ANKS1B: variants seen among roughly 807,000 people sequenced by gnomAD.
ANKS1B encodes the protein ankyrin repeat and sterile alpha motif domain-containing protein 1B.
ANKS1B carries 36 observed loss-of-function variants against 148.3 expected under a neutral mutation model. That is an observed-to-expected ratio of 0.24 (90% CI 0.19 to 0.32). ANKS1B has a LOEUF of 0.32. Among genes scored for constraint, ANKS1B ranks in the 10% least tolerant of loss-of-function variants. The pLI is 1.00. For missense variants in ANKS1B, 1,157 were observed against 1,542.6 expected, an observed-to-expected ratio of 0.75 and a Z score of 4.19; for synonymous variants, 542 against 560.8, an observed-to-expected ratio of 0.97 and a Z score of 0.47.
intron 26 of ANKS1B, among the ~76,000 whole-genome samples, chr12:98,748,632 C>T (rs1296429827): frequency 6.6e-6 from 1 of 152,214 alleles, no homozygotes; most frequent in African/African-American, 2.4e-5. Context: ...TCTTAGGGAT[C>T]ACTGAATATT....
chr12:99,066,089 G>A (rs999210915), intron 16 of ANKS1B, among the ~76,000 whole-genome samples: 1 of 152,086 alleles, frequency 6.6e-6, no homozygotes, highest in Non-Finnish European at 1.5e-5. Context: ...GCCGAGGAGG[G>A]CAGATTGCCT....
chr12:99,139,457 T>TTTCTTTCTTTCTTTCC lies in ANKS1B; in HGVS notation c.2526+14831_2526+14832insGGAAAGAAAGAAAGAA. The stretch of plus-strand genomic sequence containing the variant: ...TTCTTTCTTTTTCTTTCTTTCTTTC[T>TTTCTTTCTTTCTTTCC]TTCAAGATAGGAGTCTCACTGTGTT... On this transcript the variant is annotated intron_variant, in intron 15 of 26. Coordinates refer to ENST00000683438, the MANE Select transcript of ANKS1B (RefSeq NM_001352186.2). Among the ~76,000 whole-genome samples, 2 of 85,756 alleles carry TTTCTTTCTTTCTTTCC rather than the reference T, an allele frequency of 2.3e-5. 1 individual carries two copies. The highest frequency in any genetic ancestry group is 9.2e-4 in the South Asian group (2 of 2,178). 56.3% of individuals were successfully genotyped at this position (85,756 alleles called of 152,430 possible). A position where few individuals can be genotyped will look rare whatever the true frequency, so the allele number is the denominator to read the frequency against.
chr12:99,675,089 T>C (rs1259111513), intron 8 of ANKS1B, among the ~76,000 whole-genome samples: 1 of 151,994 alleles, frequency 6.6e-6, no homozygotes, highest in Non-Finnish European at 1.5e-5. Context: ...TGGCATGTTT[T>C]CAAACCATAA....
intron 1 of ANKS1B, among the ~76,000 whole-genome samples, chr12:99,839,524 A>C (rs73374334): frequency 0.12 from 17,623 of 152,128 alleles, 1,501 homozygotes; most frequent in African/African-American, 0.24. Flanking sequence ...GTACTTATTA[A>C]ATGTTATTTA....
rs1022013709 is a variant in ANKS1B, at chr12:99,691,517, G to A, written c.1129-36307C>T. Among the ~76,000 whole-genome samples the A allele has an allele frequency of 5.2e-4, 79 of 152,150 alleles. 4 individuals are homozygous for A. Among genetic ancestry groups the A allele is most frequent in the Non-Finnish European group, 1.5e-5 (1 of 68,028 alleles). ...AAGTTCAAAGTTCCACAGATCTCTAGGGCAGGAGCAAAATGCTGCCAGTCT... is the reference window on the plus strand; with the variant it reads ...AAGTTCAAAGTTCCACAGATCTCTAAGGCAGGAGCAAAATGCTGCCAGTCT... On this transcript the variant is annotated intron_variant, in intron 8 of 26. Coordinates refer to ENST00000683438, the MANE Select transcript of ANKS1B (RefSeq NM_001352186.2).
intron 1 of ANKS1B, among the ~76,000 whole-genome samples, chr12:99,951,121 CAT>C (rs1411609151): frequency 3.3e-5 from 5 of 152,178 alleles, no homozygotes; most frequent in Non-Finnish European, 5.9e-5. Context: ...TTCTGATTTC[CAT>C]CCATCTCTAT....
chr12:98,829,588 T>C lies in ANKS1B; in HGVS notation c.2887-235A>G, dbSNP rs1331920895. 3.3e-5 allele frequency among the ~76,000 whole-genome samples: 5 copies of C among 152,196 alleles called. No individual in the cohort carries two copies. On this transcript the variant is annotated intron_variant, in intron 18 of 26. Transcript: ENST00000683438. This position sits in a 1 kb window ranked among gnomAD's most constrained non-coding sequence, Gnocchi z 5.2. ...TATCAAGAGTCAGGTTCTGTTTTCC[T>C]AAAGCAGCATCATGGATGGTCTCAG...
chr12:99,179,545 T>C (rs187663005), intron 14 of ANKS1B, among the ~76,000 whole-genome samples: 64 of 152,278 alleles, frequency 4.2e-4, no homozygotes, highest in Non-Finnish European at 3.8e-4. Flanking sequence ...ATGCATTCTC[T>C]TTCCTGCCAT....
At chr12:99,264,626 G>A (rs1003005755) in intron 12 of ANKS1B, among the ~76,000 whole-genome samples, 1 of 152,094 alleles carries the variant, frequency 6.6e-6, no homozygotes, top group African/African-American at 2.4e-5. Flanking sequence ...GTCAAAGGAT[G>A]CCACTGTTTT....
intron 2 of ANKS1B, among the ~76,000 whole-genome samples, chr12:99,814,218 A>G (rs2068804055): frequency 6.6e-6 from 1 of 151,626 alleles, no homozygotes; most frequent in African/African-American, 2.4e-5. Context: ...CATTTCTCAG[A>G]ATGTATCCCT....
intron 9 of ANKS1B, among the ~76,000 whole-genome samples, chr12:99,632,767 A>ATATATT (rs1441486862): frequency 0.017 from 1,207 of 71,214 alleles, 96 homozygotes; most frequent in Non-Finnish European, 0.025. Flanking sequence ...ATATATATAT[A>ATATATT]TTTTAATTAT....
intron 8 of ANKS1B, among the ~76,000 whole-genome samples, chr12:99,674,515 T>C (rs979768412): frequency 2.6e-5 from 4 of 151,792 alleles, no homozygotes; most frequent in African/African-American, 9.7e-5. Flanking sequence ...CTACAGGACT[T>C]GTGCAAGAAT....
intron 9 of ANKS1B, among the ~76,000 whole-genome samples, chr12:99,538,239 G>T (rs1211307163): frequency 6.6e-6 from 1 of 151,952 alleles, no homozygotes; most frequent in Non-Finnish European, 1.5e-5. Context: ...TGGCTATTCT[G>T]GTTTTTTTGT....
chr12:99,213,758 T>C (rs2083704770), intron 14 of ANKS1B, among the ~76,000 whole-genome samples: 2 of 152,346 alleles, frequency 1.3e-5, no homozygotes, highest in African/African-American at 2.4e-5. Context: ...GTGGCTTACA[T>C]AGACAGTGGT....
rs139899090 is a variant in ANKS1B at position 99,806,957 on chromosome 12, C to T, written c.373-257G>A. 7.9e-4 allele frequency among the ~76,000 whole-genome samples: 120 copies of T among 152,200 alleles called. 1 individual carries two copies. Among genetic ancestry groups the T allele is most frequent in the African/African-American group, 2.7e-3 (113 of 41,528 alleles). ...CATATATGCCAACTTCCAAAAATGA[C>T]AAATGATTTAGCCATGTTTGTCAGA... On this transcript the variant is annotated intron_variant, in intron 3 of 26. Coordinates refer to ENST00000683438, the MANE Select transcript of ANKS1B (RefSeq NM_001352186.2).
At chr12:99,840,772 C>A (rs11110068) in intron 1 of ANKS1B, among the ~76,000 whole-genome samples, 24 of 152,088 alleles carry the variant, frequency 1.6e-4, no homozygotes, top group African/African-American at 5.6e-4. Flanking sequence ...TCATGTATCT[C>A]TTCCTTTATA....
At chr12:99,572,861 A>C (rs1169730931) in intron 9 of ANKS1B, among the ~76,000 whole-genome samples, 1 of 152,110 alleles carries the variant, frequency 6.6e-6, no homozygotes, top group Non-Finnish European at 1.5e-5. Flanking sequence ...CAATTATTAC[A>C]AATGTAATAC....
At chr12:99,211,364 A>T (rs2083323408) in intron 14 of ANKS1B, among the ~76,000 whole-genome samples, 1 of 152,182 alleles carries the variant, frequency 6.6e-6, no homozygotes, top group South Asian at 2.1e-4. Flanking sequence ...CAAACAAGCC[A>T]GTTTTAGCTG....
chr12:99,320,386 C>T (rs1183558070), intron 12 of ANKS1B, among the ~76,000 whole-genome samples: 3 of 152,148 alleles, frequency 2.0e-5, no homozygotes, highest in African/African-American at 7.2e-5. Flanking sequence ...AGGCTTTGTT[C>T]ATTTCTTTTT....
Sources: allele counts gnomAD v4.1 joint callset (sites outside exome capture counted in the v4.1 genomes callset), GRCh38; gene constraint gnomAD v4.1.1; non-coding constraint Gnocchi (gnomAD v3.1); transcripts MANE v1.5; gene names NCBI Gene and HGNC (gene_info 2026-07-23, HGNC 2026-07-21).